ZNF724: variants seen among roughly 807,000 people sequenced by gnomAD.
ZNF724 encodes zinc finger protein 724.
In ZNF724, 14 loss-of-function variants were observed where a neutral mutation model predicts 29.3. That is an observed-to-expected ratio of 0.48 (90% CI 0.32 to 0.75). The LOEUF (loss-of-function observed/expected upper bound fraction) is 0.75. ZNF724 is among the 30% of genes least tolerant of loss of function. The pLI, the probability that ZNF724 is intolerant of heterozygous loss-of-function variation, is 0.04. For synonymous variants in ZNF724, 180 were observed against 193.6 expected, an observed-to-expected ratio of 0.93 and a Z score of 0.58; for missense variants, 557 against 571.2, an observed-to-expected ratio of 0.98 and a Z score of 0.25.
intron 1 of ZNF724, 130 bp from the exon 2 acceptor site, chr19:23,232,423 G>T: frequency 1.7e-6 from 1 of 598,608 alleles, no homozygotes. Context: ...TCCAAATGAA[G>T]TAATTTTAAA....
At chr19:23,245,015 G>C (rs1016491666) in intron 1 of ZNF724, among the ~76,000 whole-genome samples, 33 of 152,140 alleles carry the variant, frequency 2.2e-4, no homozygotes, top group African/African-American at 7.2e-4. Flanking sequence ...GGTAATCCTG[G>C]TAAATGGCTA....
chr19:23,243,475 CAAAAA>C (rs61241201), intron 1 of ZNF724, among the ~76,000 whole-genome samples: 144 of 31,158 alleles, frequency 4.6e-3, no homozygotes, highest in Non-Finnish European at 6.9e-3. Flanking sequence ...GAGTCCATCT[CAAAAA>C]AAAAAAAAAA....
intron 3 of ZNF724, among the ~76,000 whole-genome samples, chr19:23,228,535 T>C (rs573671695): frequency 1.3e-5 from 2 of 148,496 alleles, no homozygotes; most frequent in African/African-American, 2.5e-5. Context: ...GTGTCGATCA[T>C]CTGAGGTCAA....
At chr19:23,247,852 C>T (rs1425158827) in intron 1 of ZNF724, among the ~76,000 whole-genome samples, 1 of 152,158 alleles carries the variant, frequency 6.6e-6, no homozygotes, top group Non-Finnish European at 1.5e-5. Flanking sequence ...GAAGAATACA[C>T]CAGGAGATCC....
At chr19:23,248,581 ATT>A (rs34343272) in intron 1 of ZNF724, among the ~76,000 whole-genome samples, 14 of 144,612 alleles carry the variant, frequency 9.7e-5, no homozygotes, top group African/African-American at 3.0e-4. Context: ...ACTCAAATGC[ATT>A]TTTTTTTTTT....
chr19:23,228,478 G>A (rs1316213019), intron 3 of ZNF724, among the ~76,000 whole-genome samples: 16 of 149,530 alleles, frequency 1.1e-4, no homozygotes, highest in Non-Finnish European at 1.8e-4. Context: ...AAGGCTGGGC[G>A]CAGTGGCTTA....
At chr19:23,233,627 A>G (rs1012691827) in intron 1 of ZNF724, among the ~76,000 whole-genome samples, 3 of 152,172 alleles carry the variant, frequency 2.0e-5, no homozygotes, top group Non-Finnish European at 4.4e-5. Flanking sequence ...GCTCTGGTAT[A>G]TAGGAAAGAA....
In ZNF724 at chr19:23,227,571, C is replaced by CAAAAAAAACA. The variant is rs1555724233; in HGVS notation, c.227-3554_227-3553insTGTTTTTTTT. Among the ~76,000 whole-genome samples the CAAAAAAAACA allele has an allele frequency of 1.8e-4, 22 of 119,012 alleles. 2 individuals carry two copies. The highest frequency in any genetic ancestry group is 1.5e-3 in the East Asian group (6 of 3,932). The allele number at this position is 119,012 out of a possible 152,430, so 78.1% of individuals were successfully genotyped here. ...GCTCCATCTCAAAAAAAAAAAAAAA[C>CAAAAAAAACA]AAAAAAAAACAAGTTAAATTATATT... On this transcript the variant is annotated intron_variant, in intron 3 of 3. Transcript: ENST00000418100.
At position 23,231,249 on chromosome 19, in the gene ZNF724, T is replaced by C. The variant is rs1170514458; in HGVS notation, c.226+17A>G. ...GACCTCTCATCTGTGTCATCTGTCA[T>C]ATTCACTCTCACCTACCTGGGGGTT... On this transcript the variant is annotated intron_variant, in intron 3 of 3. Transcript: ENST00000418100. 1.2e-5 allele frequency: 15 copies of C among 1,303,468 alleles called. No individual in the cohort carries two copies. Among genetic ancestry groups the C allele is most frequent in the Non-Finnish European group, 1.6e-5 (15 of 913,700 alleles). The allele number at this position is 1,303,468 out of a possible 1,614,324, so 80.7% of individuals were successfully genotyped here.
intron 1 of ZNF724, among the ~76,000 whole-genome samples, chr19:23,248,697 G>C (rs1294009429): frequency 6.6e-6 from 1 of 151,930 alleles, no homozygotes; most frequent in African/African-American, 2.4e-5. Context: ...GTTCAAGGTG[G>C]AAAATAAGAA....
At chr19:23,228,538 G>C (rs911851493) in intron 3 of ZNF724, among the ~76,000 whole-genome samples, 9 of 151,354 alleles carry the variant, frequency 5.9e-5, no homozygotes, top group Non-Finnish European at 1.3e-4. Flanking sequence ...TCGATCATCT[G>C]AGGTCAAGGA....
intron 1 of ZNF724, among the ~76,000 whole-genome samples, chr19:23,233,879 C>A (rs541690681): frequency 6.6e-6 from 1 of 151,828 alleles, no homozygotes; most frequent in Admixed American, 6.6e-5. Flanking sequence ...GGACAAATTA[C>A]ACCTGCATCT....
At chr19:23,241,017 A>T (rs1972114538) in intron 1 of ZNF724, among the ~76,000 whole-genome samples, 1 of 152,044 alleles carries the variant, frequency 6.6e-6, no homozygotes, top group African/African-American at 2.4e-5. Flanking sequence ...TGGGCAACAG[A>T]GCAAGACTCC....
At chr19:23,243,631 G>A (rs1376405794) in intron 1 of ZNF724, among the ~76,000 whole-genome samples, 1 of 151,824 alleles carries the variant, frequency 6.6e-6, no homozygotes, top group African/African-American at 2.4e-5. Context: ...GCAGGACAAA[G>A]ACCTGTTTGG....
chr19:23,227,895 GAAATAGA>G (rs1227565567), intron 3 of ZNF724, among the ~76,000 whole-genome samples: 3 of 152,018 alleles, frequency 2.0e-5, no homozygotes, highest in Admixed American at 2.0e-4. Context: ...AGACAAATTT[GAAATAGA>G]AAATAGAAAA....
chr19:23,234,186 G>T (rs1294924481), intron 1 of ZNF724, among the ~76,000 whole-genome samples: 2 of 152,102 alleles, frequency 1.3e-5, no homozygotes, highest in East Asian at 3.9e-4. Context: ...TCTCATGAAT[G>T]TATCTTGAAC....
chr19:23,230,719 GAAGA>G (rs1168559407), intron 3 of ZNF724: 3 of 152,074 alleles, frequency 2.0e-5, no homozygotes. Context: ...CTGAAAACTT[GAAGA>G]AAGATAACGG....
At position 23,222,506 on chromosome 19, in the gene ZNF724, T is replaced by C. The variant is rs1488586617; in HGVS notation, c.1739A>G (p.His580Arg). ...AFNWSSTLTK[H>R]KVIHTGEKPY... Reference sequence around the variant, plus strand: ...TTTCTCTCCAGTATGAATTACCTTATGTTTAGTCAGAGTTGAGGACCAATT... The same window carrying C: ...TTTCTCTCCAGTATGAATTACCTTACGTTTAGTCAGAGTTGAGGACCAATT... Residue 580 changes from histidine to arginine, a missense_variant, in exon 4 of 4, where the codon CAT becomes CGT. Transcript: ENST00000418100. The C allele has an allele frequency of 2.3e-6, 3 of 1,319,510 alleles. No individual in the cohort carries two copies. Among genetic ancestry groups the C allele is most frequent in the South Asian group, 1.2e-5 (1 of 84,762 alleles). 81.7% of individuals were successfully genotyped at this position (1,319,510 alleles called of 1,614,324 possible).
At chr19:23,226,525 TACA>T (rs1201544869) in intron 3 of ZNF724, among the ~76,000 whole-genome samples, 1 of 152,218 alleles carries the variant, frequency 6.6e-6, no homozygotes, top group Non-Finnish European at 1.5e-5. Context: ...CATCTGTTTT[TACA>T]ACAATTTTGT....
Sources: allele counts gnomAD v4.1 joint callset (sites outside exome capture counted in the v4.1 genomes callset), GRCh38; gene constraint gnomAD v4.1.1; transcripts MANE v1.5; gene names NCBI Gene and HGNC (gene_info 2026-07-23, HGNC 2026-07-21).